Variants in KLHL3 observed in about 807,000 individuals in gnomAD.
KLHL3 encodes the protein kelch-like protein 3.
In KLHL3, 19 loss-of-function variants were observed where a neutral mutation model predicts 70.5. That is an observed-to-expected ratio of 0.27 (90% confidence interval 0.19 to 0.40). KLHL3 has a LOEUF of 0.40. Among genes scored for constraint, KLHL3 ranks in the 10% least tolerant of loss-of-function variants. KLHL3 has a pLI of 1.00. For synonymous variants in KLHL3, 258 were observed against 290.3 expected (o/e 0.89, Z 1.13); for missense variants, 512 against 771.1 (o/e 0.66, Z 3.98).
chr5:137,719,462 G>A (rs1244889099), intron 2 of KLHL3, among the ~76,000 whole-genome samples: 4 of 152,212 alleles, frequency 2.6e-5, no homozygotes, highest in Non-Finnish European at 5.9e-5. Flanking sequence ...GATGAAGTAG[G>A]CAGTAAATAA....
At chr5:137,647,035 T>A (rs1013406726) in intron 8 of KLHL3, among the ~76,000 whole-genome samples, 3 of 152,202 alleles carry the variant, frequency 2.0e-5, no homozygotes, top group African/African-American at 7.2e-5. Context: ...GGAGGTTCTC[T>A]GGTTGACAGA....
intron 5 of KLHL3, among the ~76,000 whole-genome samples, chr5:137,685,438 G>C (rs1752137965): frequency 6.6e-6 from 1 of 152,222 alleles, no homozygotes; most frequent in African/African-American, 2.4e-5. Flanking sequence ...AGTACAGAGT[G>C]CTTTCTGTTG....
At position 137,704,534 on chromosome 5, in the gene KLHL3, C is replaced by A. The variant is rs533440194; in HGVS notation, c.241+5216G>T. ...AGGCCCCCACATCACCAACTCCAAACCTCTTCTATGAACATTCATAAAATA... is the reference window on the plus strand; with the variant it reads ...AGGCCCCCACATCACCAACTCCAAAACTCTTCTATGAACATTCATAAAATA... On this transcript the variant is annotated intron_variant, in intron 3 of 14. Coordinates refer to ENST00000309755, the MANE Select transcript of KLHL3 (RefSeq NM_017415.3). Among the ~76,000 whole-genome samples the A allele has an allele frequency of 3.3e-5, 5 of 152,348 alleles. No individual in the cohort carries two copies. In the South Asian group the frequency reaches 8.3e-4, roughly 25 times the overall value.
At chr5:137,687,517 C>G (rs1752216550) in intron 5 of KLHL3, among the ~76,000 whole-genome samples, 3 of 14,424 alleles carry the variant, frequency 2.1e-4, no homozygotes, top group African/African-American at 4.9e-4. Context: ...TCTGCCTGGC[C>G]AGCCGCCCCG....
intron 13 of KLHL3, among the ~76,000 whole-genome samples, chr5:137,626,413 C>G (rs555545224): frequency 6.6e-6 from 1 of 152,288 alleles, no homozygotes; most frequent in African/African-American, 2.4e-5. Flanking sequence ...ACACACAACT[C>G]CCAGGGATGC....
intron 2 of KLHL3, among the ~76,000 whole-genome samples, chr5:137,716,856 A>C (rs1752903110): frequency 6.6e-6 from 1 of 152,074 alleles, no homozygotes; most frequent in African/African-American, 2.4e-5. Flanking sequence ...TTTTGTTAGA[A>C]CCTTAGGGAG....
At chr5:137,719,057 C>T (rs367772206) in intron 2 of KLHL3, among the ~76,000 whole-genome samples, 1 of 152,198 alleles carries the variant, frequency 6.6e-6, no homozygotes, top group African/African-American at 2.4e-5. Context: ...CCCTTCATTT[C>T]TCTAACTCTT....
intron 6 of KLHL3, chr5:137,673,844 C>A (rs79837524): frequency 1.7e-5 from 2 of 118,840 alleles, no homozygotes; most frequent in Non-Finnish European, 3.6e-5. Flanking sequence ...GCTGGAAGAA[C>A]AGTCTCTGAG....
chr5:137,662,068 A>C, intron 6 of KLHL3, 37 bp from the exon 7 acceptor site: 1 of 1,013,480 alleles, frequency 9.9e-7, no homozygotes, highest in South Asian at 1.4e-5. Flanking sequence ...TTCAGTAAAG[A>C]GACAAAAGCT....
At chr5:137,683,633 ACT>A (rs1752087743) in intron 5 of KLHL3, among the ~76,000 whole-genome samples, 1 of 151,810 alleles carries the variant, frequency 6.6e-6, no homozygotes, top group African/African-American at 2.4e-5. Flanking sequence ...CAGCCCTCAG[ACT>A]CTAAATATTA....
chr5:137,634,517 G>T (rs1009184463), intron 11 of KLHL3, among the ~76,000 whole-genome samples: 6 of 152,334 alleles, frequency 3.9e-5, no homozygotes, highest in African/African-American at 1.4e-4. Flanking sequence ...ACCAGCACCA[G>T]ATAGATGGAA....
intron 8 of KLHL3, among the ~76,000 whole-genome samples, chr5:137,656,646 A>C (rs1751352121): frequency 6.6e-6 from 1 of 152,256 alleles, no homozygotes; most frequent in Non-Finnish European, 1.5e-5. Flanking sequence ...TCAACCAAAC[A>C]AAACAAAAGG....
chr5:137,639,726 AGTGTG>A lies in KLHL3; in HGVS notation c.1021+129_1021+133del. The A allele has an allele frequency of 1.6e-6, 1 of 624,412 alleles. No individual in the cohort carries two copies. Among genetic ancestry groups the A allele is most frequent in the Non-Finnish European group, 2.8e-6 (1 of 360,334 alleles). 38.7% of individuals were successfully genotyped at this position (624,412 alleles called of 1,614,324 possible). On this transcript the variant is annotated intron_variant, in intron 9 of 14. Coordinates refer to ENST00000309755, the MANE Select transcript of KLHL3 (RefSeq NM_017415.3). The surrounding 1 kb of genome is among the most constrained non-coding windows in gnomAD (Gnocchi z 5.0). ...CGACAACAACCAAAAAAAAAAAAAA[AGTGTG>A]CAGGAGGGAAACGAATGGGAGCCTG...
At chr5:137,734,543 A>G (rs1753230901) in intron 1 of KLHL3, among the ~76,000 whole-genome samples, 1 of 152,212 alleles carries the variant, frequency 6.6e-6, no homozygotes, top group Non-Finnish European at 1.5e-5. Context: ...TGAGACACAG[A>G]AGTCACAACA....
In KLHL3 at chr5:137,625,828, C is replaced by T. The variant is rs201415688; in HGVS notation, c.1660G>A (p.Val554Met). 1.5e-5 allele frequency: 24 copies of T among 1,614,196 alleles called. No homozygotes were observed. In the East Asian group the frequency reaches 5.3e-4, roughly 36 times the overall value. ...GDDGSCNLASVEYYNPVTDKW... is the reference protein window; with the variant it reads ...GDDGSCNLASMEYYNPVTDKW... The stretch of plus-strand genomic sequence containing the variant: ...TCAGTGACAGGATTGTAGTACTCCA[C>T]CGAAGCCAAGTTGCAGGATCCATCA... The change falls in exon 14 of 15, where the codon GTG becomes ATG. Residue 554 changes from valine (V) to methionine (M), a missense_variant. Coordinates refer to ENST00000309755, the MANE Select transcript of KLHL3 (RefSeq NM_017415.3).
intron 2 of KLHL3, among the ~76,000 whole-genome samples, chr5:137,712,404 G>C (rs1190518452): frequency 2.0e-5 from 3 of 152,182 alleles, no homozygotes; most frequent in African/African-American, 4.8e-5. Context: ...ATAAATGACA[G>C]CAGTTCTGAT....
intron 11 of KLHL3, among the ~76,000 whole-genome samples, chr5:137,635,724 C>A (rs1561584687): frequency 6.6e-6 from 1 of 152,182 alleles, no homozygotes; most frequent in Non-Finnish European, 1.5e-5. Flanking sequence ...AGGGTGCCCA[C>A]AGCTGAAAGA....
intron 8 of KLHL3, among the ~76,000 whole-genome samples, chr5:137,649,283 C>T (rs1370349666): frequency 6.6e-6 from 1 of 152,198 alleles, no homozygotes; most frequent in Non-Finnish European, 1.5e-5. Flanking sequence ...AGTGATGGGA[C>T]ATGGATTTTG....
intron 3 of KLHL3, 143 bp from the exon 4 acceptor site, chr5:137,698,551 G>A (rs1752498864): frequency 2.2e-6 from 2 of 926,186 alleles, no homozygotes; most frequent in Non-Finnish European, 3.3e-6. Flanking sequence ...AGGCACAGAA[G>A]AGGATAAACC....
Sources: gnomAD v4.1 joint callset for allele counts (sites outside exome capture counted in the v4.1 genomes callset) on GRCh38, gnomAD v4.1.1 for gene constraint, Gnocchi (gnomAD v3.1) non-coding constraint, MANE v1.5 for transcripts, NCBI Gene and HGNC (gene_info 2026-07-23, HGNC 2026-07-21) for gene names.